Variants in DYNC2I2 observed in about 807,000 individuals in gnomAD.
The protein encoded by DYNC2I2 is cytoplasmic dynein 2 intermediate chain 2.
DYNC2I2 carries 39 observed loss-of-function variants against 52.0 expected under a neutral mutation model. That is an observed-to-expected ratio of 0.75 (90% confidence interval 0.58 to 0.98). The LOEUF is 0.98. DYNC2I2 is among the 50% of genes least tolerant of loss of function. The pLI is 0.00. For synonymous variants in DYNC2I2, 359 were observed against 321.1 expected, an observed-to-expected ratio of 1.12 and a Z score of -1.26; for missense variants, 743 against 728.4, an observed-to-expected ratio of 1.02 and a Z score of -0.23.
the DYNC2I2 span, among the ~76,000 whole-genome samples, chr9:128,673,899 C>T: frequency 6.6e-6 from 1 of 150,496 alleles, no homozygotes; most frequent in East Asian, 1.9e-4. Context: ...ACCTCAGCCT[C>T]CCAGGTTCAA....
In DYNC2I2 at chr9:128,636,265, ACAGCAGG is replaced by A; in HGVS notation, c.703+9_703+15del. On this transcript the variant is annotated intron_variant, in intron 4 of 8. Coordinates refer to ENST00000372715, the MANE Select transcript of DYNC2I2 (RefSeq NM_052844.4). ...AGTCCTGAGAGGAGAGGAGGCGGACACAGCAGGCAGCTCACCTGCGACGTGGGAGGGC... is the reference window on the plus strand; with the variant it reads ...AGTCCTGAGAGGAGAGGAGGCGGACACAGCTCACCTGCGACGTGGGAGGGC... 6.4e-7 allele frequency: 1 copy of A among 1,557,674 alleles called. No homozygotes were observed. The highest frequency in any genetic ancestry group is 1.4e-5 in the African/African-American group (1 of 73,636).
At chr9:128,681,843 C>G in the DYNC2I2 span, among the ~76,000 whole-genome samples, 3 of 152,128 alleles carry the variant, frequency 2.0e-5, no homozygotes, top group African/African-American at 7.2e-5. Context: ...GAGGCTGAAG[C>G]AGGAGGATCA....
At chr9:128,657,475 A>C (rs138291582), upstream of DYNC2I2, among the ~76,000 whole-genome samples, 2 of 152,046 alleles carry the variant, frequency 1.3e-5, no homozygotes, top group East Asian at 3.9e-4. Flanking sequence ...AAAACTGGAG[A>C]TTCTGACCTG....
chr9:128,644,164 C>T (rs556074979), intron 1 of DYNC2I2, among the ~76,000 whole-genome samples: 2 of 152,286 alleles, frequency 1.3e-5, no homozygotes, highest in African/African-American at 4.8e-5. Flanking sequence ...TCACAACCAC[C>T]CTATGAAGTA....
chr9:128,649,310 G>C (rs1860679559), intron 1 of DYNC2I2, among the ~76,000 whole-genome samples: 1 of 152,080 alleles, frequency 6.6e-6, no homozygotes, highest in Non-Finnish European at 1.5e-5. Flanking sequence ...CAGGCGCGAT[G>C]GTGTGCACCT....
the DYNC2I2 span, among the ~76,000 whole-genome samples, chr9:128,675,002 G>A: frequency 7.2e-5 from 11 of 151,906 alleles, no homozygotes; most frequent in East Asian, 5.8e-4. Flanking sequence ...CTGATCTCCC[G>A]GGGGTCTCAG....
intron 1 of DYNC2I2, among the ~76,000 whole-genome samples, chr9:128,647,886 G>T (rs1275586645): frequency 2.6e-5 from 4 of 152,008 alleles, no homozygotes; most frequent in Non-Finnish European, 4.4e-5. Flanking sequence ...GAGGCCCCAG[G>T]GACGCTCTGC....
chr9:128,648,799 CAA>C (rs56801175), intron 1 of DYNC2I2, among the ~76,000 whole-genome samples: 4 of 132,152 alleles, frequency 3.0e-5, no homozygotes, highest in East Asian at 2.2e-4. Flanking sequence ...GACTCCGTTT[CAA>C]AAAAAAAAAA....
the DYNC2I2 span, chr9:128,663,174 T>C: frequency 6.6e-6 from 1 of 152,168 alleles, no homozygotes; most frequent in Non-Finnish European, 1.5e-5. Flanking sequence ...CATGTTTTTT[T>C]TTCATTCTAG....
chr9:128,672,866 T>C, the DYNC2I2 span, among the ~76,000 whole-genome samples: 6 of 151,828 alleles, frequency 4.0e-5, no homozygotes, highest in Admixed American at 2.6e-4. Flanking sequence ...CTACTAAAAA[T>C]ACAAAAAACT....
upstream of DYNC2I2, among the ~76,000 whole-genome samples, chr9:128,657,151 G>T (rs1860848216): frequency 6.6e-6 from 1 of 152,172 alleles, no homozygotes; most frequent in Non-Finnish European, 1.5e-5. Context: ...CGCGCCACTC[G>T]AACAGGCTGT....
intron 1 of DYNC2I2, among the ~76,000 whole-genome samples, chr9:128,642,729 C>T (rs1377477066): frequency 4.6e-5 from 7 of 151,394 alleles, no homozygotes; most frequent in African/African-American, 2.4e-5. Context: ...CACTCCAGCC[C>T]GGGTGACAGA....
intron 1 of DYNC2I2, among the ~76,000 whole-genome samples, chr9:128,656,193 G>C (rs1860819776): frequency 6.6e-6 from 1 of 150,752 alleles, no homozygotes; most frequent in Non-Finnish European, 1.5e-5. Context: ...CTGGGCGACA[G>C]AGCGAGACCC....
At chr9:128,640,009 A>ATTTTTTT (rs763407869) in intron 2 of DYNC2I2, among the ~76,000 whole-genome samples, 16 of 7,856 alleles carry the variant, frequency 2.0e-3, no homozygotes, top group Admixed American at 5.6e-3. Context: ...CACAGGAGAC[A>ATTTTTTT]TTCTTTTTTT....
Position 128,640,200 on chromosome 9 carries a change from C to CG in DYNC2I2, c.435+490dup, listed in dbSNP as rs377519511. On this transcript the variant is annotated intron_variant, in intron 2 of 8. Coordinates refer to ENST00000372715, the MANE Select transcript of DYNC2I2 (RefSeq NM_052844.4). ...TTTTTTTTTGTATTTTTAGTAGAGA[C>CG]GGGGTTTCACCGTGTTAGCCAGGAT... 8.4e-3 allele frequency among the ~76,000 whole-genome samples: 1,271 copies of CG among 151,400 alleles called. 15 individuals carry two copies. The highest frequency in any genetic ancestry group is 0.029 in the African/African-American group (1,200 of 41,238).
the DYNC2I2 span, among the ~76,000 whole-genome samples, chr9:128,667,237 G>T: frequency 1.3e-5 from 2 of 152,060 alleles, no homozygotes; most frequent in Non-Finnish European, 2.9e-5. Flanking sequence ...GGTGATATGT[G>T]CCTTTAGTGC....
chr9:128,662,375 C>G, the DYNC2I2 span, among the ~76,000 whole-genome samples: 1 of 151,514 alleles, frequency 6.6e-6, no homozygotes. Flanking sequence ...GCAGGATATT[C>G]ATAATTCCAA....
Position 128,635,641 on chromosome 9 carries a change from G to A in DYNC2I2, c.813+17C>T, listed in dbSNP as rs1329187312. 13 of 1,586,914 alleles carry A rather than the reference G, an allele frequency of 8.2e-6. No individual in the cohort carries two copies. Among genetic ancestry groups the A allele is most frequent in the Middle Eastern group, 1.7e-4 (1 of 6,024 alleles). On this transcript the variant is annotated intron_variant, in intron 5 of 8. Transcript: ENST00000372715. Reference sequence around the variant, plus strand: ...TCTGCCTCAGGGCCCACCCCGCCCGGCAGCCCCTGCCCTGACCTGGGACAC... The same window carrying A: ...TCTGCCTCAGGGCCCACCCCGCCCGACAGCCCCTGCCCTGACCTGGGACAC...
rs1221334426 is a variant in DYNC2I2, at chr9:128,636,303, G to C, written c.681C>G (p.Pro227=). 1 of 1,582,218 alleles carries C rather than the reference G, an allele frequency of 6.3e-7. No homozygotes were observed. The highest frequency in any genetic ancestry group is 1.3e-5 in the African/African-American group (1 of 74,454). The change falls in exon 4 of 9, where the codon CCC becomes CCG. Residue 227 remains proline, a synonymous_variant. Coordinates refer to ENST00000372715, the MANE Select transcript of DYNC2I2 (RefSeq NM_052844.4). ...CACCTGCGACGTGGGAGGGCTGCGT[G>C]GGGTGGAAGGCCAGACACAGGACAG... The part of the protein sequence containing the change: ...PSAVLCLAFH[P]TQPSHVAGGL...
Sources: gnomAD v4.1 joint callset for allele counts (sites outside exome capture counted in the v4.1 genomes callset) on GRCh38, gnomAD v4.1.1 for gene constraint, MANE v1.5 for transcripts, NCBI Gene and HGNC (gene_info 2026-07-23, HGNC 2026-07-21) for gene names.